Variants in FHIT observed in about 807,000 individuals in gnomAD.
FHIT encodes fragile histidine triad diadenosine triphosphatase, also known as bis(5'-adenosyl)-triphosphatase.
FHIT carries 19 observed loss-of-function variants against 17.9 expected under a neutral mutation model. The ratio of observed to expected loss-of-function variants is 1.06; its 90% CI spans 0.74 to 1.56. The LOEUF (loss-of-function observed/expected upper bound fraction) is 1.56. Ranked by LOEUF, FHIT falls within the 40% of genes most tolerant of loss-of-function variation. FHIT has a pLI of 0.00. For missense variants in FHIT, 248 were observed against 189.2 expected (o/e 1.31, Z -1.82); for synonymous variants, 81 against 69.7 (o/e 1.16, Z -0.81).
At chr3:60,362,407 G>T (rs1699942989) in intron 5 of FHIT, among the ~76,000 whole-genome samples, 1 of 152,058 alleles carries the variant, frequency 6.6e-6, no homozygotes, top group South Asian at 2.1e-4. Flanking sequence ...TTTGGAGAGG[G>T]TTAACAAAAT....
intron 8 of FHIT, among the ~76,000 whole-genome samples, chr3:59,856,389 G>A (rs1702158082): frequency 6.6e-6 from 1 of 152,110 alleles, no homozygotes; most frequent in African/African-American, 2.4e-5. Context: ...GTTCAAGGAA[G>A]ACATCATTCC....
At chr3:60,114,628 G>T (rs1014951112) in intron 5 of FHIT, among the ~76,000 whole-genome samples, 18 of 150,942 alleles carry the variant, frequency 1.2e-4, no homozygotes, top group African/African-American at 3.9e-4. Context: ...TGAGCAGCTG[G>T]GACTACAGGT....
Position 60,014,159 on chromosome 3 carries a change from C to A in FHIT, c.104-7G>T, listed in dbSNP as rs1316774022. On this transcript the variant is annotated splice_region_variant and splice_polypyrimidine_tract_variant and intron_variant, in intron 5 of 9. Coordinates refer to ENST00000492590, the MANE Select transcript of FHIT (RefSeq NM_002012.4). The stretch of plus-strand genomic sequence containing the variant: ...AGCGGGCACACAAGGACATCTGTAG[C>A]AAGGTCTGTTAAGGCCCATGCTGCT... The A allele has an allele frequency of 6.2e-7, 1 of 1,613,812 alleles. No individual in the cohort carries two copies. Among genetic ancestry groups the A allele is most frequent in the African/African-American group, 1.3e-5 (1 of 75,026 alleles).
At chr3:60,349,727 C>T (rs1027153857) in intron 5 of FHIT, among the ~76,000 whole-genome samples, 3 of 152,112 alleles carry the variant, frequency 2.0e-5, no homozygotes, top group African/African-American at 4.8e-5. Context: ...TTAAATTTTA[C>T]ACAACTTGGA....
intron 5 of FHIT, among the ~76,000 whole-genome samples, chr3:60,297,065 T>C (rs1708246813): frequency 6.6e-6 from 1 of 152,092 alleles, no homozygotes. Context: ...GTCTTGAAAC[T>C]GGATGATAGA....
chr3:60,278,998 A>G (rs1707301542), intron 5 of FHIT, among the ~76,000 whole-genome samples: 1 of 152,068 alleles, frequency 6.6e-6, no homozygotes, highest in Non-Finnish European at 1.5e-5. Flanking sequence ...AAACAATTTA[A>G]ACCTAAAGCA....
At chr3:61,115,772 C>T (rs970998091) in intron 2 of FHIT, among the ~76,000 whole-genome samples, 1 of 152,030 alleles carries the variant, frequency 6.6e-6, no homozygotes, top group Non-Finnish European at 1.5e-5. Flanking sequence ...CTCCGGCTGG[C>T]CATTGCAGCT....
intron 8 of FHIT, among the ~76,000 whole-genome samples, chr3:59,774,307 A>C (rs1048283080): frequency 3.3e-5 from 5 of 152,234 alleles, no homozygotes; most frequent in African/African-American, 1.2e-4. Flanking sequence ...AATAGCCTGA[A>C]GAGCTTAAAA....
At chr3:60,407,727 G>A (rs1379337861) in intron 5 of FHIT, among the ~76,000 whole-genome samples, 1 of 152,024 alleles carries the variant, frequency 6.6e-6, no homozygotes, top group Non-Finnish European at 1.5e-5. Context: ...ATGTTGACCA[G>A]GCTGGCCTCA....
chr3:60,309,303 T>C (rs1239693207), intron 5 of FHIT, among the ~76,000 whole-genome samples: 2 of 152,002 alleles, frequency 1.3e-5, no homozygotes, highest in East Asian at 1.9e-4. Context: ...TGGGTGGGGA[T>C]GGTTAGAGGC....
At chr3:60,730,070 C>G (rs183658346) in intron 4 of FHIT, 99 of 502,306 alleles carry the variant, frequency 2.0e-4, no homozygotes, top group Admixed American at 1.3e-3. Flanking sequence ...CTCTGGACTT[C>G]AAAAAATCTC....
At chr3:59,985,273 C>A (rs1385807907) in intron 7 of FHIT, among the ~76,000 whole-genome samples, 1 of 152,094 alleles carries the variant, frequency 6.6e-6, no homozygotes, top group African/African-American at 2.4e-5. Flanking sequence ...ACACAGAATG[C>A]TCCGCCTTCC....
At chr3:60,167,270 A>G (rs1271221933) in intron 5 of FHIT, among the ~76,000 whole-genome samples, 1 of 152,226 alleles carries the variant, frequency 6.6e-6, no homozygotes, top group Non-Finnish European at 1.5e-5. Context: ...CTTCTGGAAC[A>G]ATAGAAGTAT....
chr3:60,001,376 C>A (rs1699723056), intron 7 of FHIT, among the ~76,000 whole-genome samples: 1 of 152,166 alleles, frequency 6.6e-6, no homozygotes, highest in Non-Finnish European at 1.5e-5. Context: ...AAAACAAGGA[C>A]TACGTCTCAT....
chr3:61,036,687 G>T (rs570622929), intron 3 of FHIT, among the ~76,000 whole-genome samples: 2 of 152,120 alleles, frequency 1.3e-5, no homozygotes, highest in Admixed American at 6.5e-5. Flanking sequence ...GCATTATGTT[G>T]GGGAAGTTTG....
rs1180058719 is a variant in FHIT at position 61,042,101 on chromosome 3, T to C, written c.-163-2A>G. On this transcript the variant is annotated splice_acceptor_variant, in intron 2 of 9. Transcript: ENST00000492590. LOFTEE classifies it low-confidence loss of function (5UTR_SPLICE). ...CTGGATGTAGATAGCACTACGGACCTAGGGAAAGGCAGAAACACAAGATGG... is the reference window on the plus strand; with the variant it reads ...CTGGATGTAGATAGCACTACGGACCCAGGGAAAGGCAGAAACACAAGATGG... 3 of 152,164 alleles carry C rather than the reference T, an allele frequency of 2.0e-5. No individual in the cohort carries two copies. The highest frequency in any genetic ancestry group is 2.9e-5 in the Non-Finnish European group (2 of 68,038). 9.4% of individuals were successfully genotyped at this position (152,164 alleles called of 1,614,324 possible).
chr3:59,887,556 G>C (rs1178895565), intron 8 of FHIT, among the ~76,000 whole-genome samples: 1 of 152,202 alleles, frequency 6.6e-6, no homozygotes, highest in Non-Finnish European at 1.5e-5. Flanking sequence ...CTAATTAGCA[G>C]TCATAAAAAC....
At chr3:59,954,228 T>TTTTTG (rs1313797441) in intron 7 of FHIT, among the ~76,000 whole-genome samples, 2 of 150,530 alleles carry the variant, frequency 1.3e-5, no homozygotes, top group Non-Finnish European at 3.0e-5. Flanking sequence ...TCTGTTTTTT[T>TTTTTG]TTCTTTTTTT....
intron 7 of FHIT, among the ~76,000 whole-genome samples, chr3:59,983,789 GA>G (rs1220765623): frequency 6.6e-6 from 1 of 152,026 alleles, no homozygotes; most frequent in Non-Finnish European, 1.5e-5. Flanking sequence ...ATTAGTACCA[GA>G]AAATCCCTAT....
Sources: gnomAD v4.1 joint callset for allele counts (sites outside exome capture counted in the v4.1 genomes callset) on GRCh38, gnomAD v4.1.1 for gene constraint, MANE v1.5 for transcripts, NCBI Gene and HGNC (gene_info 2026-07-23, HGNC 2026-07-21) for gene names.